LRP5: variants seen among roughly 807,000 people sequenced by gnomAD.
LRP5 encodes the protein LDL receptor related protein 5.
A neutral mutation model predicts 154.1 loss-of-function variants in LRP5; 62 were observed. The ratio of observed to expected loss-of-function variants is 0.40; its 90% CI spans 0.33 to 0.50. LRP5 has a LOEUF of 0.50. Ranked by LOEUF, LRP5 falls within the 20% of genes least tolerant of loss-of-function variation. LRP5 has a pLI of 0.55. For missense variants in LRP5, 1,915 were observed against 2,336.7 expected (o/e 0.82, Z 3.72); for synonymous variants, 966 against 1,011.5 (o/e 0.96, Z 0.85).
At chr11:68,302,791 G>T in the LRP5 span, among the ~76,000 whole-genome samples, 2 of 152,248 alleles carry the variant, frequency 1.3e-5, no homozygotes, top group East Asian at 3.8e-4. Context: ...GCGGGCCGTG[G>T]CGCTGAACAG....
intron 5 of LRP5, among the ~76,000 whole-genome samples, chr11:68,376,247 T>A (rs1439590663): frequency 6.8e-6 from 1 of 148,084 alleles, no homozygotes; most frequent in Non-Finnish European, 1.5e-5. Context: ...AATGGCGCGA[T>A]CTCCGCTAAC....
intron 6 of LRP5, among the ~76,000 whole-genome samples, chr11:68,387,947 C>T (rs1366004693): frequency 3.9e-5 from 6 of 152,162 alleles, no homozygotes; most frequent in South Asian, 2.1e-4. Flanking sequence ...AGCCTGTGCT[C>T]GTGGCCCAGC....
At chr11:68,352,509 G>T (rs312786) in intron 2 of LRP5, among the ~76,000 whole-genome samples, 29,588 of 152,240 alleles carry the variant, frequency 0.19, 3,658 homozygotes, top group Non-Finnish European at 0.29. Context: ...TGCTATGTTG[G>T]TTGGGAAGTG....
At chr11:68,436,240 C>A (rs986147235) in intron 18 of LRP5, among the ~76,000 whole-genome samples, 2 of 152,212 alleles carry the variant, frequency 1.3e-5, no homozygotes, top group Non-Finnish European at 2.9e-5. Context: ...CCTTATCTCC[C>A]ATTCCCAGGG....
chr11:68,386,247 C>T lies in LRP5; in HGVS notation c.1016-69C>T, dbSNP rs2098642924. ...GGCTGAGTATTTCCCTTGCCCGGCC[C>T]ACCCCAGGCCTAGACTTGTGCCTGC... On this transcript the variant is annotated intron_variant, in intron 5 of 22. Coordinates refer to ENST00000294304, the MANE Select transcript of LRP5 (RefSeq NM_002335.4). This position sits in a 1 kb window ranked among gnomAD's most constrained non-coding sequence, Gnocchi z 7.9. 1 of 1,589,150 alleles carries T rather than the reference C, an allele frequency of 6.3e-7. No individual in the cohort carries two copies. The highest frequency in any genetic ancestry group is 8.6e-7 in the Non-Finnish European group (1 of 1,168,832).
upstream of LRP5, among the ~76,000 whole-genome samples, chr11:68,308,678 G>T (rs1007185697): frequency 1.3e-5 from 2 of 152,190 alleles, no homozygotes; most frequent in South Asian, 4.1e-4. Context: ...TCAAGGCTCC[G>T]GTTGGAGTCA....
At chr11:68,303,523 C>G in the LRP5 span, among the ~76,000 whole-genome samples, 18 of 152,140 alleles carry the variant, frequency 1.2e-4, no homozygotes, top group Non-Finnish European at 7.3e-5. Context: ...GAGATCAAAT[C>G]TTATTCTGTC....
At position 68,447,919 on chromosome 11, in the gene LRP5, G is replaced by A. The variant is rs1351672985; in HGVS notation, c.4587-890G>A. Among the ~76,000 whole-genome samples the A allele has an allele frequency of 6.6e-6, 1 of 152,170 alleles. No homozygotes were observed. Among genetic ancestry groups the A allele is most frequent in the African/African-American group, 2.4e-5 (1 of 41,440 alleles). ...AGCCATCTTGCGAGTCAGGTTGCTT[G>A]AACTCAGGATGGAAGTGTTCCGGGC... is the stretch of plus-strand genomic sequence containing the variant. On this transcript the variant is annotated intron_variant, in intron 22 of 22. Coordinates refer to ENST00000294304, the MANE Select transcript of LRP5 (RefSeq NM_002335.4). This position sits in a 1 kb window ranked among gnomAD's most constrained non-coding sequence, Gnocchi z 4.3.
At chr11:68,329,422 G>A (rs2098601509) in intron 1 of LRP5, among the ~76,000 whole-genome samples, 1 of 152,200 alleles carries the variant, frequency 6.6e-6, no homozygotes, top group African/African-American at 2.4e-5. Context: ...TTTGGTATAG[G>A]CAAAACTAGG....
At position 68,425,424 on chromosome 11, in the gene LRP5, T is replaced by G. The variant is rs187981932; in HGVS notation, c.3427+132T>G. The G allele has an allele frequency of 1.7e-3, 1,618 of 931,868 alleles. 3 individuals carry two copies. The Middle Eastern group carries it at 0.017, about 10-fold the overall frequency. The allele number at this position is 931,868 out of a possible 1,614,324, so 57.7% of individuals were successfully genotyped here. ...CAGGGGCTTTGTGTGTAGCGTGTTT[T>G]GTCCTCACACTGACAGCTGTAGGCT... On this transcript the variant is annotated intron_variant, in intron 15 of 22. Coordinates refer to ENST00000294304, the MANE Select transcript of LRP5 (RefSeq NM_002335.4).
At chr11:68,420,683 A>G (rs2098665042) in intron 13 of LRP5, among the ~76,000 whole-genome samples, 1 of 151,878 alleles carries the variant, frequency 6.6e-6, no homozygotes, top group Non-Finnish European at 1.5e-5. Context: ...CAGCCTGGGT[A>G]ACAGAGTGAG....
intron 21 of LRP5, among the ~76,000 whole-genome samples, chr11:68,443,861 G>A (rs1412577197): frequency 4.6e-5 from 7 of 151,458 alleles, no homozygotes; most frequent in African/African-American, 1.7e-4. Flanking sequence ...GTTTCTCCAT[G>A]TTGGTCAGGC....
At chr11:68,311,526 C>T (rs1591158557), upstream of LRP5, among the ~76,000 whole-genome samples, 1 of 152,196 alleles carries the variant, frequency 6.6e-6, no homozygotes, top group African/African-American at 2.4e-5. Flanking sequence ...TTCTTCATGG[C>T]CTGTCAATGG....
At chr11:68,370,416 G>A (rs2098633407) in intron 5 of LRP5, among the ~76,000 whole-genome samples, 1 of 152,108 alleles carries the variant, frequency 6.6e-6, no homozygotes, top group African/African-American at 2.4e-5. Context: ...ACAGGGGGTG[G>A]TTAGGCTACC....
rs1401413392 is a variant in LRP5 at position 68,371,883 on chromosome 11, G to A, written c.1015+6181G>A. Among the ~76,000 whole-genome samples, 10 of 152,248 alleles carry A rather than the reference G, an allele frequency of 6.6e-5. No individual in the cohort carries two copies. In the East Asian group the frequency reaches 1.3e-3, roughly 20 times the overall value. ...GCTGCCAGTGCCCAGAGAGCCTTCC[G>A]AGGTGTCACGTTGGGCAGTGAAATT... On this transcript the variant is annotated intron_variant, in intron 5 of 22. Coordinates refer to ENST00000294304, the MANE Select transcript of LRP5 (RefSeq NM_002335.4).
chr11:68,337,489 C>T (rs2098606357), intron 1 of LRP5, among the ~76,000 whole-genome samples: 1 of 152,222 alleles, frequency 6.6e-6, no homozygotes, highest in Admixed American at 6.5e-5. Context: ...GCATGCTCAA[C>T]ATTCACCAAG....
chr11:68,365,823 C>T (rs2098630775), intron 5 of LRP5, 121 bp downstream of exon 5: 14 of 1,033,390 alleles, frequency 1.4e-5, no homozygotes, highest in Non-Finnish European at 1.7e-5. Flanking sequence ...ATCCACTTGG[C>T]GGGTGTGGTG....
upstream of LRP5, among the ~76,000 whole-genome samples, chr11:68,308,084 A>G (rs532837849): frequency 6.6e-6 from 1 of 152,330 alleles, no homozygotes; most frequent in African/African-American, 2.4e-5. Flanking sequence ...CTCCTGGGGC[A>G]GGTTGCTGAG....
chr11:68,337,512 T>G (rs2098606363), intron 1 of LRP5, among the ~76,000 whole-genome samples: 1 of 152,202 alleles, frequency 6.6e-6, no homozygotes, highest in African/African-American at 2.4e-5. Flanking sequence ...ATGTTTGTTT[T>G]TCAATGCTCC....
Sources: allele counts gnomAD v4.1 joint callset (sites outside exome capture counted in the v4.1 genomes callset), GRCh38; gene constraint gnomAD v4.1.1; non-coding constraint Gnocchi (gnomAD v3.1); transcripts MANE v1.5; gene names NCBI Gene and HGNC (gene_info 2026-07-23, HGNC 2026-07-21).